The following ANO3 variants were observed in gnomAD, a reference collection of about 807,000 sequenced individuals.
The protein encoded by ANO3 is anoctamin 3, also known as anoctamin-3.
In ANO3, 99 loss-of-function variants were observed where a neutral mutation model predicts 144.8. The ratio of observed to expected loss-of-function variants is 0.68; its 90% CI spans 0.58 to 0.81. ANO3 has a LOEUF of 0.81. Ranked by LOEUF, ANO3 falls within the 30% of genes least tolerant of loss-of-function variation. The pLI, the probability that ANO3 is intolerant of heterozygous loss-of-function variation, is 0.00. For synonymous variants in ANO3, 414 were observed against 392.6 expected (o/e 1.05, Z -0.64); for missense variants, 905 against 1,202.2 (o/e 0.75, Z 3.66).
intron 4 of ANO3, among the ~76,000 whole-genome samples, chr11:26,471,273 C>T (rs1323718032): frequency 6.6e-6 from 1 of 151,878 alleles, no homozygotes; most frequent in Non-Finnish European, 1.5e-5. Context: ...AGATTTATCT[C>T]TTTCCAAAAC....
chr11:26,254,105 G>T (rs1173608368), intron 1 of ANO3, among the ~76,000 whole-genome samples: 2 of 152,146 alleles, frequency 1.3e-5, no homozygotes, highest in East Asian at 3.9e-4. Flanking sequence ...AAATTTAACA[G>T]TTTAGGCTTT....
In ANO3 at chr11:26,204,377, G is replaced by A. The variant is rs552364115; in HGVS notation, c.154+15047G>A. On this transcript the variant is annotated intron_variant, in intron 1 of 27. Transcript: ENST00000672621. ...ACATTCTAGAAGGGCAAGGAGCTAA[G>A]TAGCTACTCTTCAGCTCTCTCCTTG... 4.6e-5 allele frequency among the ~76,000 whole-genome samples: 7 copies of A among 152,218 alleles called. 1 individual carries two copies. In the South Asian group the frequency reaches 1.2e-3, roughly 27 times the overall value.
At chr11:26,417,510 T>C (rs1254308679) in intron 1 of ANO3, among the ~76,000 whole-genome samples, 1 of 151,908 alleles carries the variant, frequency 6.6e-6, no homozygotes. Context: ...ACAAACAGGA[T>C]AAAGGGAAAG....
At chr11:26,297,164 C>T (rs909037555) in intron 1 of ANO3, among the ~76,000 whole-genome samples, 6 of 150,644 alleles carry the variant, frequency 4.0e-5, no homozygotes, top group African/African-American at 1.2e-4. Context: ...GCTGAACATC[C>T]CAAGCTGCAT....
chr11:26,521,457 A>T (rs1862073383), intron 6 of ANO3, among the ~76,000 whole-genome samples: 11 of 152,132 alleles, frequency 7.2e-5, no homozygotes, highest in Admixed American at 7.2e-4. Flanking sequence ...TGAGCATTTT[A>T]TCTAAATTTT....
At chr11:26,457,434 T>G (rs1384036326) in intron 3 of ANO3, among the ~76,000 whole-genome samples, 3 of 152,078 alleles carry the variant, frequency 2.0e-5, no homozygotes, top group East Asian at 3.9e-4. Flanking sequence ...GCTTTAAAAT[T>G]AAAGATAGGA....
At chr11:26,193,178 G>T (rs1406421367) in intron 1 of ANO3, among the ~76,000 whole-genome samples, 1 of 103,930 alleles carries the variant, frequency 9.6e-6, no homozygotes, top group Non-Finnish European at 1.8e-5. Context: ...TCTCACTCTT[G>T]TTGCCCAGGC....
chr11:26,524,489 A>G (rs188748004), intron 6 of ANO3, among the ~76,000 whole-genome samples: 5 of 152,272 alleles, frequency 3.3e-5, no homozygotes, highest in African/African-American at 1.2e-4. Context: ...GCTAAATATC[A>G]GTTGTCCTAT....
chr11:26,510,199 T>C (rs1020133620), intron 5 of ANO3, among the ~76,000 whole-genome samples: 9 of 151,894 alleles, frequency 5.9e-5, no homozygotes, highest in Non-Finnish European at 8.8e-5. Flanking sequence ...TAAAATCCTT[T>C]AATGTGTATG....
intron 1 of ANO3, among the ~76,000 whole-genome samples, chr11:26,318,844 T>C (rs1854689398): frequency 6.6e-6 from 1 of 152,246 alleles, no homozygotes; most frequent in Non-Finnish European, 1.5e-5. Context: ...GGATAAATTA[T>C]GTTGGGCTAA....
At chr11:26,542,876 T>TAC (rs1464527223) in intron 11 of ANO3, among the ~76,000 whole-genome samples, 6 of 151,940 alleles carry the variant, frequency 3.9e-5, no homozygotes, top group African/African-American at 1.2e-4. Context: ...TATATTAATA[T>TAC]ATGTTAATAT....
intron 1 of ANO3, among the ~76,000 whole-genome samples, chr11:26,422,899 T>C (rs568443017): frequency 6.6e-6 from 1 of 152,056 alleles, no homozygotes; most frequent in African/African-American, 2.4e-5. Context: ...AGATTTTCAG[T>C]TTAGATTGTG....
At chr11:26,500,081 G>T (rs1471729188) in intron 4 of ANO3, among the ~76,000 whole-genome samples, 2 of 150,392 alleles carry the variant, frequency 1.3e-5, no homozygotes, top group Non-Finnish European at 3.0e-5. Context: ...TGTGTGAGTG[G>T]GTTCTTTCAT....
intron 1 of ANO3, among the ~76,000 whole-genome samples, chr11:26,299,044 G>A (rs760445001): frequency 5.3e-5 from 8 of 152,140 alleles, no homozygotes; most frequent in Non-Finnish European, 8.8e-5. Context: ...AGGAAGTATC[G>A]TTCTACAGAA....
At chr11:26,395,802 G>C (rs1856997423) in intron 1 of ANO3, among the ~76,000 whole-genome samples, 1 of 152,078 alleles carries the variant, frequency 6.6e-6, no homozygotes, top group African/African-American at 2.4e-5. Context: ...ACGCAAGATA[G>C]ATTAAAGACT....
At chr11:26,545,831 T>C (rs1265645290) in intron 11 of ANO3, among the ~76,000 whole-genome samples, 2 of 151,942 alleles carry the variant, frequency 1.3e-5, no homozygotes, top group Non-Finnish European at 2.9e-5. Flanking sequence ...ACAGGAATCA[T>C]AGAAGATTGT....
intron 1 of ANO3, among the ~76,000 whole-genome samples, chr11:26,348,431 A>T (rs935447527): frequency 6.6e-6 from 1 of 152,210 alleles, no homozygotes; most frequent in Non-Finnish European, 1.5e-5. Context: ...CTGGGTATCG[A>T]TAATGGGCTT....
intron 8 of ANO3, among the ~76,000 whole-genome samples, chr11:26,532,041 G>A (rs1849387898): frequency 6.6e-6 from 1 of 152,170 alleles, no homozygotes; most frequent in Non-Finnish European, 1.5e-5. Flanking sequence ...ATGTATTGAA[G>A]GACTATAGCT....
intron 1 of ANO3, among the ~76,000 whole-genome samples, chr11:26,378,440 A>ATCG (rs1029997562): frequency 5.3e-4 from 18 of 33,716 alleles, no homozygotes; most frequent in Non-Finnish European, 1.1e-3. Flanking sequence ...TCTATCATCT[A>ATCG]TCTATCTATC....
Sources: gnomAD v4.1 joint callset for allele counts (sites outside exome capture counted in the v4.1 genomes callset) on GRCh38, gnomAD v4.1.1 for gene constraint, MANE v1.5 for transcripts, NCBI Gene and HGNC (gene_info 2026-07-23, HGNC 2026-07-21) for gene names.